BCL2L11: variants seen among roughly 807,000 people sequenced by gnomAD.
BCL2L11 encodes the protein BCL2 like 11.
BCL2L11 carries 15 observed loss-of-function variants against 20.6 expected under a neutral mutation model. The observed-to-expected ratio is 0.73, with a 90% CI of 0.49 to 1.12. The LOEUF is 1.12. Among genes scored for constraint, BCL2L11 ranks in the 50% most tolerant of loss-of-function variants. BCL2L11 has a pLI of 0.00. For synonymous variants in BCL2L11, 108 were observed against 92.8 expected (o/e 1.16, Z -0.94); for missense variants, 292 against 260.9 (o/e 1.12, Z -0.82).
intron 3 of BCL2L11, 125 bp downstream of exon 3, chr2:111,150,272 T>C (rs1331675642): frequency 6.7e-7 from 1 of 1,500,510 alleles, no homozygotes; most frequent in Non-Finnish European, 8.9e-7. Flanking sequence ...GTTGCCTAGT[T>C]GTGACCTTTC....
At chr2:111,133,347 T>C (rs1282661752) in intron 2 of BCL2L11, among the ~76,000 whole-genome samples, 1 of 152,234 alleles carries the variant, frequency 6.6e-6, no homozygotes, top group Non-Finnish European at 1.5e-5. Flanking sequence ...GCTTTTCTAA[T>C]GTACGCATTT....
At chr2:111,132,551 CTGAT>C (rs2074141264) in intron 2 of BCL2L11, among the ~76,000 whole-genome samples, 1 of 152,170 alleles carries the variant, frequency 6.6e-6, no homozygotes, top group African/African-American at 2.4e-5. Context: ...TATACTTAGC[CTGAT>C]TATTTGCATA....
chr2:111,147,831 A>G (rs1227344938), intron 2 of BCL2L11, among the ~76,000 whole-genome samples: 1 of 152,224 alleles, frequency 6.6e-6, no homozygotes, highest in Non-Finnish European at 1.5e-5. Context: ...AAAGTATAAA[A>G]TATGTCTCCT....
chr2:111,141,013 G>A (rs1350864620), intron 2 of BCL2L11, among the ~76,000 whole-genome samples: 1 of 152,220 alleles, frequency 6.6e-6, no homozygotes, highest in African/African-American at 2.4e-5. Flanking sequence ...CCTCTAGTGT[G>A]AGGTGTGGAG....
chr2:111,144,652 A>G (rs2076267817), intron 2 of BCL2L11: 2 of 1,188,058 alleles, frequency 1.7e-6, no homozygotes, highest in Admixed American at 2.7e-5. Context: ...TTGAATAAAC[A>G]TCCTGGAATT....
intron 2 of BCL2L11, among the ~76,000 whole-genome samples, chr2:111,147,332 T>TCG (rs1186016759): frequency 3.0e-5 from 4 of 131,460 alleles, no homozygotes; most frequent in Non-Finnish European, 6.5e-5. Flanking sequence ...CCTGTATCTC[T>TCG]CTCTCTCTCT....
intron 2 of BCL2L11, among the ~76,000 whole-genome samples, chr2:111,133,049 A>C (rs1483047745): frequency 2.0e-5 from 3 of 152,060 alleles, no homozygotes; most frequent in Non-Finnish European, 4.4e-5. Flanking sequence ...GTGACTGAAC[A>C]AAAGAAAACA....
intron 2 of BCL2L11, chr2:111,145,897 TA>T (rs1171309697): frequency 4.3e-6 from 4 of 921,708 alleles, no homozygotes; most frequent in Admixed American, 6.2e-5. Context: ...TATTGCATTA[TA>T]AAAGTTTTGA....
chr2:111,130,955 C>A (rs189081077), intron 2 of BCL2L11, among the ~76,000 whole-genome samples: 3 of 152,200 alleles, frequency 2.0e-5, no homozygotes, highest in Non-Finnish European at 4.4e-5. Flanking sequence ...TGAGACAAAT[C>A]CTGCGTGGGT....
Position 111,165,229 on chromosome 2 carries a change from T to C in BCL2L11, c.*998T>C, listed in dbSNP as rs2078968132. 1 of 152,300 alleles carries C rather than the reference T, an allele frequency of 6.6e-6. No homozygotes were observed. The highest frequency in any genetic ancestry group is 1.5e-5 in the Non-Finnish European group (1 of 68,078). 9.4% of individuals were successfully genotyped at this position (152,300 alleles called of 1,614,324 possible). A position where few individuals can be genotyped will look rare whatever the true frequency, so the allele number is the denominator to read the frequency against. ...TACGCCCCTTTGTGCTGCTGGCTTTTCTGGTTGCAGGCTTTCCCATGGTCA... is the reference window on the plus strand; with the variant it reads ...TACGCCCCTTTGTGCTGCTGGCTTTCCTGGTTGCAGGCTTTCCCATGGTCA... On this transcript the variant is annotated 3_prime_UTR_variant, in exon 4 of 4. Coordinates refer to ENST00000393256, the MANE Select transcript of BCL2L11 (RefSeq NM_138621.5).
At chr2:111,128,112 C>T (rs186667947) in intron 2 of BCL2L11, among the ~76,000 whole-genome samples, 26 of 152,192 alleles carry the variant, frequency 1.7e-4, no homozygotes, top group South Asian at 6.2e-4. Context: ...CCCCCTCCCC[C>T]CAGCTTCTGA....
At chr2:111,142,291 A>G (rs2075945858) in intron 2 of BCL2L11, 3 of 1,546,392 alleles carry the variant, frequency 1.9e-6, no homozygotes, top group Non-Finnish European at 1.7e-6. Context: ...ATTTATTTAT[A>G]CAACATTTTT....
chr2:111,157,693 A>G (rs905403786), intron 3 of BCL2L11, among the ~76,000 whole-genome samples: 1 of 152,220 alleles, frequency 6.6e-6, no homozygotes, highest in Non-Finnish European at 1.5e-5. Flanking sequence ...TCACCTGGAC[A>G]TTCACTGGAG....
Position 111,167,984 on chromosome 2 carries a change from G to C in BCL2L11, c.*3753G>C, listed in dbSNP as rs907689657. The C allele has an allele frequency of 1.3e-5, 2 of 152,682 alleles. No homozygotes were observed. The highest frequency in any genetic ancestry group is 2.9e-5 in the Non-Finnish European group (2 of 68,080). The allele number at this position is 152,682 out of a possible 1,614,324, so 9.5% of individuals were successfully genotyped here. On this transcript the variant is annotated 3_prime_UTR_variant, in exon 4 of 4. Coordinates refer to ENST00000393256, the MANE Select transcript of BCL2L11 (RefSeq NM_138621.5). ...GCCATCCCTGCTGATTTAGCCTGGT[G>C]CCTGTGTGTGTCCACTCACGTACAC...
chr2:111,143,624 C>T (rs550336031), intron 2 of BCL2L11, among the ~76,000 whole-genome samples: 54 of 152,278 alleles, frequency 3.5e-4, no homozygotes, highest in South Asian at 8.3e-4. Context: ...TCCCAGGAAG[C>T]GGGCACACAG....
chr2:111,138,091 C>T lies in BCL2L11; in HGVS notation c.395-11953C>T, dbSNP rs576354761. Reference sequence around the variant, plus strand: ...TGCCATGATCTCAGCTCACTGCACCCTCCACCTCCCAGGTTCAAGTGATTG... The same window carrying T: ...TGCCATGATCTCAGCTCACTGCACCTTCCACCTCCCAGGTTCAAGTGATTG... On this transcript the variant is annotated intron_variant, in intron 2 of 3. Transcript: ENST00000393256. 2.4e-4 allele frequency among the ~76,000 whole-genome samples: 37 copies of T among 151,176 alleles called. No individual in the cohort carries two copies. The South Asian group carries it at 6.7e-3, about 27-fold the overall frequency.
At chr2:111,147,616 A>G (rs2076735730) in intron 2 of BCL2L11, among the ~76,000 whole-genome samples, 1 of 152,142 alleles carries the variant, frequency 6.6e-6, no homozygotes, top group Non-Finnish European at 1.5e-5. Flanking sequence ...TGCATTCACT[A>G]AGTGCTAGTT....
rs148330727 is a variant in BCL2L11 at position 111,154,728 on chromosome 2, G to A, written c.498+4581G>A. 6.7e-3 allele frequency among the ~76,000 whole-genome samples: 1,018 copies of A among 152,328 alleles called. 16 individuals are homozygous for A. The highest frequency in any genetic ancestry group is 0.023 in the African/African-American group (965 of 41,570). ...TCCACAGTCTTCCACTGTGAAGTTA[G>A]TACTTTTCCATTTGTAATAGGACAG... On this transcript the variant is annotated intron_variant, in intron 3 of 3. Coordinates refer to ENST00000393256, the MANE Select transcript of BCL2L11 (RefSeq NM_138621.5).
intron 2 of BCL2L11, among the ~76,000 whole-genome samples, chr2:111,135,637 CT>C (rs2074733347): frequency 6.6e-6 from 1 of 152,124 alleles, no homozygotes; most frequent in Admixed American, 6.5e-5. Context: ...CTTTTGTTCT[CT>C]TTAATTAGCC....
Sources: gnomAD v4.1 joint callset for allele counts (sites outside exome capture counted in the v4.1 genomes callset) on GRCh38, gnomAD v4.1.1 for gene constraint, MANE v1.5 for transcripts, NCBI Gene and HGNC (gene_info 2026-07-23, HGNC 2026-07-21) for gene names.